The following FGF13 variants were observed in gnomAD, a reference collection of about 807,000 sequenced individuals.
The protein encoded by FGF13 is fibroblast growth factor homologous factor 2.
A neutral mutation model predicts 19.5 loss-of-function variants in FGF13; 2 were observed. That is an observed-to-expected ratio of 0.10 (90% CI 0.04 to 0.32). FGF13 has a LOEUF of 0.32. Among genes scored for constraint, FGF13 ranks in the 10% least tolerant of loss-of-function variants. The pLI, the probability that FGF13 is intolerant of heterozygous loss-of-function variation, is 1.00. For missense variants in FGF13, 113 were observed against 192.7 expected (o/e 0.59, Z 2.45); for synonymous variants, 72 against 76.9 (o/e 0.94, Z 0.33).
At chrX:139,051,324 G>A (rs1253547106) in intron 1 of FGF13, among the ~76,000 whole-genome samples, 1 of 111,758 alleles carries the variant, frequency 8.9e-6, no homozygotes, top group East Asian at 2.8e-4. Flanking sequence ...AGATATCACA[G>A]AACCTTAAAA....
downstream of FGF13, among the ~76,000 whole-genome samples, chrX:138,855,668 AAG>A (rs1000745185): frequency 1.8e-5 from 2 of 111,511 alleles, no homozygotes; most frequent in African/African-American, 6.5e-5. Context: ...AACTTTGCAG[AAG>A]AGAGTCTAAC....
chrX:138,868,203 C>A (rs2091339339), intron 1 of FGF13, among the ~76,000 whole-genome samples: 1 of 111,606 alleles, frequency 9.0e-6, no homozygotes, highest in Non-Finnish European at 1.9e-5. Flanking sequence ...ATTATCTAGG[C>A]AGCCTTTAAA....
intron 3 of FGF13, among the ~76,000 whole-genome samples, chrX:138,779,413 TG>T (rs1288004450): frequency 9.1e-6 from 1 of 110,255 alleles, no homozygotes; most frequent in East Asian, 2.9e-4. Context: ...TTGAAAACTT[TG>T]AAAAAAATTT....
intron 2 of FGF13, among the ~76,000 whole-genome samples, chrX:138,859,050 T>G (rs1323609444): frequency 8.9e-6 from 1 of 112,206 alleles, no homozygotes; most frequent in Admixed American, 9.5e-5. Context: ...TCTATTTCCC[T>G]CTAGCATTCA....
intron 1 of FGF13, among the ~76,000 whole-genome samples, chrX:138,873,300 C>T (rs1047911324): frequency 1.8e-5 from 2 of 111,236 alleles, no homozygotes; most frequent in African/African-American, 3.3e-5. Context: ...GAGGGAGTGC[C>T]GGTTTGGTCC....
intron 1 of FGF13, among the ~76,000 whole-genome samples, chrX:139,097,596 C>T (rs1419448317): frequency 1.8e-5 from 2 of 111,697 alleles, no homozygotes; most frequent in Non-Finnish European, 3.8e-5. Context: ...ATAAATTACA[C>T]TATATGATCA....
At chrX:138,800,657 C>T (rs1431510461) in intron 3 of FGF13, among the ~76,000 whole-genome samples, 1 of 111,666 alleles carries the variant, frequency 9.0e-6, no homozygotes, top group African/African-American at 3.3e-5. Context: ...TGGATAATAT[C>T]CTGAAGTGTG....
chrX:138,778,096 G>A (rs1373220346), intron 3 of FGF13, among the ~76,000 whole-genome samples: 1 of 111,485 alleles, frequency 9.0e-6, no homozygotes, highest in Non-Finnish European at 1.9e-5. Flanking sequence ...CTCCCAGCCT[G>A]AGCGACGCAG....
chrX:139,177,391 T>A (rs191501092), intron 1 of FGF13, among the ~76,000 whole-genome samples: 2 of 110,395 alleles, frequency 1.8e-5, no homozygotes, highest in Non-Finnish European at 3.8e-5. Flanking sequence ...CCAGTCTGTG[T>A]CTTTTAATTG....
chrX:139,110,511 G>A (rs1184633684), intron 1 of FGF13, among the ~76,000 whole-genome samples: 2 of 111,006 alleles, frequency 1.8e-5, no homozygotes, highest in Non-Finnish European at 3.8e-5. Context: ...ATTCTCTCTT[G>A]CTGCTGCCAT....
At chrX:139,192,076 GA>G (rs895568526) in intron 1 of FGF13, among the ~76,000 whole-genome samples, 1 of 111,710 alleles carries the variant, frequency 9.0e-6, no homozygotes, top group Non-Finnish European at 1.9e-5. Context: ...CAATAAGATA[GA>G]AAAAAGCAGC....
chrX:138,858,140 A>T (rs949033497), intron 2 of FGF13, among the ~76,000 whole-genome samples: 1 of 111,989 alleles, frequency 8.9e-6, no homozygotes, highest in African/African-American at 3.2e-5. Flanking sequence ...ACGGAGACAG[A>T]CAGAAGAATC....
intron 1 of FGF13, among the ~76,000 whole-genome samples, chrX:139,172,275 T>C (rs946132680): frequency 1.8e-5 from 2 of 112,136 alleles, no homozygotes; most frequent in African/African-American, 6.5e-5. Flanking sequence ...ATGAATTTGA[T>C]AGCTCTTGAG....
intron 3 of FGF13, among the ~76,000 whole-genome samples, chrX:138,777,682 C>T (rs775163197): frequency 5.4e-5 from 6 of 111,652 alleles, no homozygotes; most frequent in Non-Finnish European, 9.4e-5. Flanking sequence ...ATAAACCATG[C>T]CGACCAAAAT....
At chrX:139,188,694 T>A (rs1406309743) in intron 1 of FGF13, among the ~76,000 whole-genome samples, 1 of 112,101 alleles carries the variant, frequency 8.9e-6, no homozygotes, top group African/African-American at 3.2e-5. Flanking sequence ...CAAAAAGAGT[T>A]GAAAACAAAA....
chrX:138,818,354 A>G (rs141762099), intron 3 of FGF13, among the ~76,000 whole-genome samples: 1 of 110,515 alleles, frequency 9.0e-6, no homozygotes, highest in East Asian at 2.9e-4. Context: ...ATCTCAGTCT[A>G]CTTAAGGAAG....
chrX:138,850,888 C>T (rs1177500812), intron 3 of FGF13, among the ~76,000 whole-genome samples: 2 of 111,747 alleles, frequency 1.8e-5, no homozygotes, highest in East Asian at 2.8e-4. Flanking sequence ...CTCCCTCCCC[C>T]GATACCTCTC....
chrX:139,146,719 C>T (rs1332443173), intron 1 of FGF13, among the ~76,000 whole-genome samples: 2 of 111,749 alleles, frequency 1.8e-5, no homozygotes, highest in East Asian at 5.6e-4. Flanking sequence ...GGAACCAACC[C>T]AAATGTCCAC....
chrX:138,837,108 G>A lies in FGF13; in HGVS notation c.217+20404C>T, dbSNP rs775127538. 2.2e-4 allele frequency among the ~76,000 whole-genome samples: 25 copies of A among 112,148 alleles called. 1 individual carries two copies. The highest frequency in any genetic ancestry group is 1.7e-3 in the Admixed American group (18 of 10,659). On this transcript the variant is annotated intron_variant, in intron 3 of 6. Coordinates refer to the FGF13 transcript ENST00000436198. Reference sequence around the variant, plus strand: ...CCTAAACACATGTATAGGAGGTGGCGGGCAATCCCAGTTGGGTGGTCTTGC... The same window carrying A: ...CCTAAACACATGTATAGGAGGTGGCAGGCAATCCCAGTTGGGTGGTCTTGC...
Sources: allele counts gnomAD v4.1 joint callset (sites outside exome capture counted in the v4.1 genomes callset), GRCh38; gene constraint gnomAD v4.1.1; transcripts MANE v1.5; gene names NCBI Gene and HGNC (gene_info 2026-07-23, HGNC 2026-07-21).